The following GSK3B variants were observed in gnomAD, a reference collection of about 807,000 sequenced individuals.
GSK3B encodes glycogen synthase kinase 3 beta, also known as glycogen synthase kinase-3 beta.
Under a neutral mutation model 56.4 loss-of-function variants are expected in GSK3B, and 15 were observed. The observed-to-expected ratio is 0.27, with a 90% CI of 0.18 to 0.41. The LOEUF is 0.41. Among genes scored for constraint, GSK3B ranks in the 10% least tolerant of loss-of-function variants. The pLI is 1.00. For missense variants in GSK3B, 300 were observed against 513.4 expected (o/e 0.58, Z 4.02); for synonymous variants, 181 against 188.9 (o/e 0.96, Z 0.34).
chr3:119,944,704 A>G (rs2057083419), intron 3 of GSK3B, among the ~76,000 whole-genome samples: 2 of 152,134 alleles, frequency 1.3e-5, no homozygotes, highest in South Asian at 4.1e-4. Context: ...GAAGTCACAC[A>G]TCTATCCATC....
intron 10 of GSK3B, among the ~76,000 whole-genome samples, chr3:119,838,426 G>GT (rs1392913228): frequency 1.3e-5 from 2 of 152,046 alleles, no homozygotes; most frequent in East Asian, 1.9e-4. Context: ...TATAAAGAAT[G>GT]TTTTTTAGGA....
chr3:119,853,528 C>T (rs936266590), intron 9 of GSK3B, among the ~76,000 whole-genome samples: 6 of 152,108 alleles, frequency 3.9e-5, no homozygotes, highest in Admixed American at 6.5e-5. Context: ...GCCATTTTCA[C>T]GACATTGATT....
chr3:120,043,729 T>C (rs2058081434), intron 1 of GSK3B, among the ~76,000 whole-genome samples: 1 of 152,170 alleles, frequency 6.6e-6, no homozygotes, highest in African/African-American at 2.4e-5. Flanking sequence ...CCAGTAACTA[T>C]TTCCATTAAT....
Position 119,823,018 on chromosome 3 carries a change from A to G in GSK3B, c.*3770T>C, listed in dbSNP as rs373001600. 3 of 230,020 alleles carry G rather than the reference A, an allele frequency of 1.3e-5. No individual in the cohort carries two copies. The highest frequency in any genetic ancestry group is 3.6e-4 in the South Asian group (2 of 5,510). The allele number at this position is 230,020 out of a possible 1,614,324, so 14.2% of individuals were successfully genotyped here. On this transcript the variant is annotated 3_prime_UTR_variant, in exon 11 of 11. Coordinates refer to ENST00000264235, the MANE Select transcript of GSK3B (RefSeq NM_001146156.2). ...TTAGGCATACATTGTTAAAACATAA[A>G]CCAAAAATGTGTCTAAAAATTAAGA...
In GSK3B at chr3:120,056,301, G is replaced by A. The variant is rs113460232; in HGVS notation, c.88+37046C>T. ...TGTCTTTGAGGTTCTCAACAGTTTC[G>A]TTTTTTGAGATGGAGTAAACAAAAG... On this transcript the variant is annotated intron_variant, in intron 1 of 10. Transcript: ENST00000264235. Among the ~76,000 whole-genome samples, 766 of 152,114 alleles carry A rather than the reference G, an allele frequency of 5.0e-3. 3 individuals are homozygous for A. Among genetic ancestry groups the A allele is most frequent in the Non-Finnish European group, 6.7e-3 (454 of 67,974 alleles).
intron 1 of GSK3B, among the ~76,000 whole-genome samples, chr3:120,051,202 G>C (rs979286553): frequency 1.3e-5 from 2 of 150,752 alleles, no homozygotes; most frequent in Non-Finnish European, 2.9e-5. Context: ...ACATAAAACT[G>C]AATAGGCTGG....
intron 2 of GSK3B, among the ~76,000 whole-genome samples, chr3:120,000,914 TCTC>T (rs1351557247): frequency 1.1e-4 from 16 of 142,522 alleles, no homozygotes; most frequent in East Asian, 2.0e-4. Context: ...TGAAATGTAA[TCTC>T]CTTTTTTTTT....
intron 1 of GSK3B, among the ~76,000 whole-genome samples, chr3:120,042,013 T>C (rs1209604598): frequency 1.3e-5 from 2 of 152,184 alleles, no homozygotes; most frequent in Non-Finnish European, 2.9e-5. Flanking sequence ...CGAGGTCTTA[T>C]TAACAGTAAG....
At chr3:119,905,695 T>C (rs2056676113) in intron 7 of GSK3B, 60 bp downstream of exon 7, 1 of 938,844 alleles carries the variant, frequency 1.1e-6, no homozygotes, top group East Asian at 2.4e-5. Context: ...GTGTGATATA[T>C]ATTATTAAAG....
intron 7 of GSK3B, among the ~76,000 whole-genome samples, chr3:119,881,113 T>C (rs2056374081): frequency 6.6e-6 from 1 of 152,130 alleles, no homozygotes; most frequent in Non-Finnish European, 1.5e-5. Flanking sequence ...AGTCATACAA[T>C]AGCATACTAA....
At chr3:120,003,281 C>A (rs956593124) in intron 1 of GSK3B, among the ~76,000 whole-genome samples, 2 of 152,172 alleles carry the variant, frequency 1.3e-5, no homozygotes, top group Non-Finnish European at 2.9e-5. Context: ...AGAGCCACCT[C>A]CTACTTCACT....
chr3:119,992,365 C>T (rs2057573763), intron 2 of GSK3B, among the ~76,000 whole-genome samples: 2 of 151,852 alleles, frequency 1.3e-5, no homozygotes, highest in South Asian at 2.1e-4. Context: ...ATAACTGGAA[C>T]AAAGATAGTC....
At chr3:120,026,512 TACACACACACACACACACACAC>T (rs61580328) in intron 1 of GSK3B, among the ~76,000 whole-genome samples, 1 of 130,442 alleles carries the variant, frequency 7.7e-6, no homozygotes, top group African/African-American at 2.9e-5. Context: ...TACCGCCAAA[TACACACACACACACACACACAC>T]ACACACACAC....
At chr3:120,055,160 C>A (rs1359719529) in intron 1 of GSK3B, among the ~76,000 whole-genome samples, 2 of 152,108 alleles carry the variant, frequency 1.3e-5, no homozygotes, top group Non-Finnish European at 2.9e-5. Context: ...GTGTATTTCT[C>A]TACCAACCTG....
At chr3:120,032,559 G>A (rs1025068073) in intron 1 of GSK3B, among the ~76,000 whole-genome samples, 25 of 151,952 alleles carry the variant, frequency 1.6e-4, no homozygotes, top group African/African-American at 2.9e-4. Flanking sequence ...TGTTCCTGTA[G>A]TCCCAGCTAC....
intron 2 of GSK3B, among the ~76,000 whole-genome samples, chr3:119,954,315 G>GAATAGA (rs879721657): frequency 7.8e-6 from 1 of 128,794 alleles, no homozygotes; most frequent in African/African-American, 2.7e-5. Context: ...AAAAGAAACA[G>GAATAGA]AACAGAACAG....
chr3:120,055,644 A>T (rs2058186095), intron 1 of GSK3B, among the ~76,000 whole-genome samples: 1 of 152,264 alleles, frequency 6.6e-6, no homozygotes. Context: ...ATAGAGATAC[A>T]ACATTAAGGA....
intron 1 of GSK3B, among the ~76,000 whole-genome samples, chr3:120,015,230 T>C (rs1486976737): frequency 2.0e-5 from 3 of 152,166 alleles, no homozygotes; most frequent in East Asian, 1.9e-4. Context: ...GCAGTGGAAA[T>C]AGGAAAGAAT....
chr3:119,978,693 T>C (rs983132612), intron 2 of GSK3B, among the ~76,000 whole-genome samples: 1 of 151,840 alleles, frequency 6.6e-6, no homozygotes, highest in African/African-American at 2.4e-5. Flanking sequence ...TCTCTCTCTC[T>C]CCCTCGTGCG....
Sources: allele counts gnomAD v4.1 joint callset (sites outside exome capture counted in the v4.1 genomes callset), GRCh38; gene constraint gnomAD v4.1.1; transcripts MANE v1.5; gene names NCBI Gene and HGNC (gene_info 2026-07-23, HGNC 2026-07-21).